Variants in YIPF7 observed in about 807,000 individuals in gnomAD.
YIPF7 encodes Yip1 domain family member 7.
YIPF7 carries 35 observed loss-of-function variants against 27.2 expected under a neutral mutation model. The ratio of observed to expected loss-of-function variants is 1.29; its 90% confidence interval spans 0.98 to 1.70. The LOEUF is 1.70. Among genes scored for constraint, YIPF7 ranks in the 40% most tolerant of loss-of-function variants. The pLI is 0.00. For missense variants in YIPF7, 358 were observed against 303.7 expected (o/e 1.18, Z -1.33); for synonymous variants, 137 against 110.4 (o/e 1.24, Z -1.51).
intron 3 of YIPF7, among the ~76,000 whole-genome samples, chr4:44,635,274 A>T (rs926871110): frequency 6.6e-6 from 1 of 151,986 alleles, no homozygotes; most frequent in East Asian, 1.9e-4. Flanking sequence ...GCACATACAG[A>T]CTGGCTACAT....
chr4:44,622,389 C>T lies in YIPF7; in HGVS notation c.*25G>A. 1.2e-6 allele frequency: 2 copies of T among 1,601,056 alleles called. No homozygotes were observed. The highest frequency in any genetic ancestry group is 1.7e-6 in the Non-Finnish European group (2 of 1,174,118). ...AAATAATCTGGACAGCAAACAGAGT[C>T]TTGAAATGCCATCTCAAACATTCTT... On this transcript the variant is annotated 3_prime_UTR_variant, in exon 6 of 6. Coordinates refer to ENST00000415895, the MANE Select transcript of YIPF7 (RefSeq NM_182592.3).
chr4:44,648,199 C>A (rs1440674314), intron 2 of YIPF7, among the ~76,000 whole-genome samples: 2 of 151,926 alleles, frequency 1.3e-5, no homozygotes, highest in Admixed American at 6.6e-5. Flanking sequence ...AGTTGAGTAT[C>A]CTTTATCTGA....
At chr4:44,644,075 G>T (rs1301362590) in intron 2 of YIPF7, among the ~76,000 whole-genome samples, 1 of 152,140 alleles carries the variant, frequency 6.6e-6, no homozygotes, top group African/African-American at 2.4e-5. Flanking sequence ...CCAGAAACTT[G>T]CAACCTGCAT....
At chr4:44,653,976 A>G (rs1329280282), upstream of YIPF7, among the ~76,000 whole-genome samples, 1 of 152,050 alleles carries the variant, frequency 6.6e-6, no homozygotes, top group Non-Finnish European at 1.5e-5. Context: ...TCCTTCATAA[A>G]AACCTGGCTC....
At chr4:44,643,976 C>G (rs1184947640) in intron 2 of YIPF7, among the ~76,000 whole-genome samples, 2 of 152,038 alleles carry the variant, frequency 1.3e-5, no homozygotes, top group South Asian at 4.2e-4. Flanking sequence ...GGGGTTGAAG[C>G]CCCCACACAG....
chr4:44,624,568 A>C (rs768490878), intron 5 of YIPF7, 33 bp downstream of exon 5: 40 of 1,533,592 alleles, frequency 2.6e-5, no homozygotes, highest in Non-Finnish European at 3.5e-5. Context: ...ATGATTGTGC[A>C]TGTGGGGTCA....
chr4:44,641,479 A>C (rs1713323657), intron 2 of YIPF7, among the ~76,000 whole-genome samples: 2 of 152,222 alleles, frequency 1.3e-5, no homozygotes, highest in Admixed American at 1.3e-4. Flanking sequence ...GGAAAGAAAC[A>C]TAGAGCTGCC....
At chr4:44,649,925 A>C in intron 2 of YIPF7, 60 bp downstream of exon 2, 1 of 881,726 alleles carries the variant, frequency 1.1e-6, no homozygotes, top group Non-Finnish European at 1.8e-6. Context: ...TTTTTACAAT[A>C]TGTGGGTGAC....
chr4:44,627,099 ATACT>A (rs1712685582), intron 4 of YIPF7, among the ~76,000 whole-genome samples: 1 of 152,032 alleles, frequency 6.6e-6, no homozygotes, highest in African/African-American at 2.4e-5. Context: ...TTGATTTAAA[ATACT>A]TAGTGTTCTT....
At chr4:44,628,861 C>T (rs1043782750) in intron 4 of YIPF7, among the ~76,000 whole-genome samples, 5 of 152,118 alleles carry the variant, frequency 3.3e-5, no homozygotes, top group African/African-American at 9.7e-5. Flanking sequence ...GGAAAACTAA[C>T]ATTTTAGAGG....
intron 2 of YIPF7, among the ~76,000 whole-genome samples, chr4:44,646,148 G>A (rs892941426): frequency 6.6e-6 from 1 of 152,152 alleles, no homozygotes; most frequent in Admixed American, 6.5e-5. Flanking sequence ...AGGCAACATA[G>A]AATTAACTAG....
At chr4:44,661,698 G>A (rs6849509) in intron 1 of YIPF7, among the ~76,000 whole-genome samples, 77,948 of 152,050 alleles carry the variant, frequency 0.51, 21,336 homozygotes, top group Non-Finnish European at 0.62. Context: ...GGAGGAGACA[G>A]CATTCATTGG....
intron 4 of YIPF7, among the ~76,000 whole-genome samples, chr4:44,627,463 A>C (rs1200818004): frequency 6.6e-6 from 1 of 152,144 alleles, no homozygotes; most frequent in Non-Finnish European, 1.5e-5. Flanking sequence ...TCTCTAGTAA[A>C]ATTCCTGTGT....
chr4:44,646,339 C>T (rs1008485274), intron 2 of YIPF7, among the ~76,000 whole-genome samples: 2 of 152,268 alleles, frequency 1.3e-5, no homozygotes, highest in South Asian at 2.1e-4. Context: ...CATTCCTATA[C>T]TCTGGTTGGT....
chr4:44,635,332 T>C (rs574372563), intron 3 of YIPF7, among the ~76,000 whole-genome samples: 12 of 152,060 alleles, frequency 7.9e-5, no homozygotes, highest in Non-Finnish European at 1.6e-4. Flanking sequence ...ATCCCCTAAG[T>C]ACCTTCAGTT....
intron 2 of YIPF7, among the ~76,000 whole-genome samples, chr4:44,645,163 A>C (rs1226489819): frequency 6.6e-6 from 1 of 152,236 alleles, no homozygotes; most frequent in Non-Finnish European, 1.5e-5. Flanking sequence ...GGCCTGATAC[A>C]GTAAATAACC....
In YIPF7 at chr4:44,661,822, C is replaced by T. The variant is rs186205521; in HGVS notation, c.-171-1204G>A. Reference sequence around the variant, plus strand: ...AGAAAAAAGATTAACAGGAATATTACTTAGTGAGGTGGAATCAGAGAATGG... The same window carrying T: ...AGAAAAAAGATTAACAGGAATATTATTTAGTGAGGTGGAATCAGAGAATGG... On this transcript the variant is annotated intron_variant, in intron 1 of 2. Coordinates refer to the YIPF7 transcript ENST00000508947. 1.6e-3 allele frequency among the ~76,000 whole-genome samples: 246 copies of T among 152,256 alleles called. 2 individuals are homozygous for T. The highest frequency in any genetic ancestry group is 5.7e-3 in the African/African-American group (238 of 41,562).
chr4:44,650,494 T>C (rs1184871362), intron 1 of YIPF7, among the ~76,000 whole-genome samples: 1 of 133,684 alleles, frequency 7.5e-6, no homozygotes, highest in Non-Finnish European at 1.7e-5. Flanking sequence ...CGCACACACA[T>C]GCGCGCGCGC....
At position 44,624,132 on chromosome 4, in the gene YIPF7, C is replaced by T. The variant is rs111688867; in HGVS notation, c.608+469G>A. 2.0e-3 allele frequency among the ~76,000 whole-genome samples: 299 copies of T among 147,914 alleles called. 3 individuals are homozygous for T. Among genetic ancestry groups the T allele is most frequent in the African/African-American group, 6.8e-3 (273 of 39,866 alleles). On this transcript the variant is annotated intron_variant, in intron 5 of 5. Transcript: ENST00000415895. ...CCAGGCTGGAGTGCAGTGGTGCGAT[C>T]TCGGCTCACTGCAACCTCCGCCTCT...
Sources: allele counts gnomAD v4.1 joint callset (sites outside exome capture counted in the v4.1 genomes callset), GRCh38; gene constraint gnomAD v4.1.1; transcripts MANE v1.5; gene names NCBI Gene and HGNC (gene_info 2026-07-23, HGNC 2026-07-21).